Variants in ITGBL1 observed in about 807,000 individuals in gnomAD.
ITGBL1 encodes the protein integrin beta-like protein 1.
A neutral mutation model predicts 68.5 loss-of-function variants in ITGBL1; 51 were observed. That is an observed-to-expected ratio of 0.74 (90% CI 0.59 to 0.94). The LOEUF (loss-of-function observed/expected upper bound fraction) is 0.94, where lower values mean the gene tolerates loss of function less well. Ranked by LOEUF, ITGBL1 falls within the 40% of genes least tolerant of loss-of-function variation. The pLI, the probability that ITGBL1 is intolerant of heterozygous loss-of-function variation, is 0.00. For synonymous variants in ITGBL1, 209 were observed against 227.3 expected, an observed-to-expected ratio of 0.92 and a Z score of 0.72; for missense variants, 649 against 647.4, an observed-to-expected ratio of 1.00 and a Z score of -0.03.
intron 2 of ITGBL1, among the ~76,000 whole-genome samples, chr13:101,561,612 C>G (rs1316881176): frequency 6.6e-6 from 1 of 152,054 alleles, no homozygotes; most frequent in African/African-American, 2.4e-5. Flanking sequence ...GAAAAAGAAA[C>G]ATATGCAGAG....
At chr13:101,511,574 C>T (rs941251476) in intron 2 of ITGBL1, among the ~76,000 whole-genome samples, 9 of 151,976 alleles carry the variant, frequency 5.9e-5, no homozygotes, top group African/African-American at 2.2e-4. Context: ...TCAGGTAAGC[C>T]CTTTAAAGGA....
intron 7 of ITGBL1, among the ~76,000 whole-genome samples, chr13:101,605,987 T>C (rs1214517220): frequency 1.4e-5 from 2 of 147,082 alleles, no homozygotes; most frequent in Admixed American, 6.9e-5. Flanking sequence ...TATGTGTATA[T>C]ATATGTGTAT....
At chr13:101,629,062 T>G (rs2031890386) in intron 7 of ITGBL1, among the ~76,000 whole-genome samples, 1 of 152,126 alleles carries the variant, frequency 6.6e-6, no homozygotes, top group Non-Finnish European at 1.5e-5. Context: ...CATATGACCT[T>G]TTTGTTTTGT....
In ITGBL1 at chr13:101,468,337, T is replaced by C. The variant is rs138499874; in HGVS notation, c.316+14237T>C. 2.7e-3 allele frequency among the ~76,000 whole-genome samples: 404 copies of C among 152,314 alleles called. 2 individuals are homozygous for C. The highest frequency in any genetic ancestry group is 9.0e-3 in the African/African-American group (374 of 41,584). The stretch of plus-strand genomic sequence containing the variant: ...GGATAATTTTAAGCCTTGAAATTAA[T>C]GCTACATTAGAAATACAAATGAGTA... On this transcript the variant is annotated intron_variant, in intron 2 of 10. Transcript: ENST00000376180.
chr13:101,704,510 GAATA>G lies in ITGBL1; in HGVS notation c.1133-2241_1133-2238del, dbSNP rs1162885615. Among the ~76,000 whole-genome samples the G allele has an allele frequency of 5.0e-4, 56 of 111,948 alleles. 1 individual carries two copies. The highest frequency in any genetic ancestry group is 4.8e-3 in the Admixed American group (53 of 11,094). 73.4% of individuals were successfully genotyped at this position (111,948 alleles called of 152,430 possible). The stretch of plus-strand genomic sequence containing the variant: ...AAAAAAAAAAAAAAAAAAAGTAGAA[GAATA>G]AATAGAGACAAAGGAGGAGTGTTGA... On this transcript the variant is annotated intron_variant, in intron 8 of 10. Transcript: ENST00000376180.
intron 7 of ITGBL1, among the ~76,000 whole-genome samples, chr13:101,641,335 A>T (rs1014222882): frequency 2.0e-5 from 3 of 152,106 alleles, no homozygotes; most frequent in African/African-American, 7.2e-5. Context: ...TGAAGAAATA[A>T]ACATATATTT....
intron 3 of ITGBL1, 53 bp from the exon 4 acceptor site, chr13:101,575,371 A>T: frequency 1.3e-6 from 2 of 1,529,692 alleles, no homozygotes; most frequent in Non-Finnish European, 1.8e-6. Flanking sequence ...AAATTCATTA[A>T]TTATAATTTT....
chr13:101,713,595 AG>A (rs376830351), intron 9 of ITGBL1: 1 of 152,136 alleles, frequency 6.6e-6, no homozygotes, highest in South Asian at 2.1e-4. Flanking sequence ...TTTCCATGTA[AG>A]GGTTTTTAGT....
At chr13:101,458,551 A>C (rs1445301583) in intron 2 of ITGBL1, among the ~76,000 whole-genome samples, 3 of 152,192 alleles carry the variant, frequency 2.0e-5, no homozygotes, top group African/African-American at 7.2e-5. Context: ...GCTCTGATTT[A>C]TGGAAAGAAA....
At chr13:101,540,641 G>C (rs1030891401) in intron 2 of ITGBL1, among the ~76,000 whole-genome samples, 3 of 152,118 alleles carry the variant, frequency 2.0e-5, no homozygotes, top group African/African-American at 7.2e-5. Context: ...AAATTACTTT[G>C]GGCAGTATGG....
At chr13:101,501,575 T>A (rs567049065) in intron 2 of ITGBL1, among the ~76,000 whole-genome samples, 2 of 152,210 alleles carry the variant, frequency 1.3e-5, no homozygotes, top group South Asian at 4.1e-4. Flanking sequence ...GAAAAATGAC[T>A]CTTAGATATT....
At chr13:101,575,323 G>T (rs1301462437) in intron 3 of ITGBL1, 101 bp from the exon 4 acceptor site, 14 of 1,105,256 alleles carry the variant, frequency 1.3e-5, no homozygotes, top group South Asian at 1.5e-5. Flanking sequence ...ATATTAAATT[G>T]ATTTGGATTA....
intron 2 of ITGBL1, among the ~76,000 whole-genome samples, chr13:101,519,767 G>A (rs2049255236): frequency 1.3e-5 from 2 of 152,046 alleles, no homozygotes; most frequent in South Asian, 4.1e-4. Flanking sequence ...AAAGCATCAA[G>A]TAGACTTCCT....
chr13:101,630,752 G>A (rs1289646209), intron 7 of ITGBL1, among the ~76,000 whole-genome samples: 1 of 152,024 alleles, frequency 6.6e-6, no homozygotes, highest in Non-Finnish European at 1.5e-5. Context: ...GTTTTCAATG[G>A]CAAATTTAAT....
chr13:101,594,529 T>G (rs2050710774), intron 6 of ITGBL1, among the ~76,000 whole-genome samples: 1 of 151,868 alleles, frequency 6.6e-6, no homozygotes, highest in Admixed American at 6.6e-5. Flanking sequence ...TAGCAATGAT[T>G]TTTTTTTGGA....
intron 8 of ITGBL1, among the ~76,000 whole-genome samples, chr13:101,700,747 T>C (rs548383252): frequency 6.9e-4 from 105 of 152,356 alleles, no homozygotes; most frequent in South Asian, 2.3e-3. Flanking sequence ...TTTTACTGCC[T>C]GTAACATGCC....
chr13:101,565,949 A>T (rs2139246999), intron 2 of ITGBL1, among the ~76,000 whole-genome samples: 1 of 152,146 alleles, frequency 6.6e-6, no homozygotes, highest in Non-Finnish European at 1.5e-5. Flanking sequence ...ATTTTTAACC[A>T]TCTCACCTTT....
chr13:101,609,047 A>G (rs2031005675), intron 7 of ITGBL1, among the ~76,000 whole-genome samples: 1 of 152,052 alleles, frequency 6.6e-6, no homozygotes. Flanking sequence ...CTTTGAACTG[A>G]CAATGCCCAC....
Position 101,714,566 on chromosome 13 carries a change from T to G in ITGBL1, c.1393+15T>G, listed in dbSNP as rs769319779. ...CATTTGTACAGGTGCAGTATTAACC[T>G]TTTCTAATTGCTCTATGCCACAGTT... On this transcript the variant is annotated intron_variant, in intron 10 of 10. Transcript: ENST00000376180. 1.4e-6 allele frequency: 2 copies of G among 1,416,778 alleles called. No individual in the cohort carries two copies. Among genetic ancestry groups the G allele is most frequent in the Non-Finnish European group, 2.0e-6 (2 of 1,000,802 alleles). The allele number at this position is 1,416,778 out of a possible 1,614,324, so 87.8% of individuals were successfully genotyped here.
Sources: allele counts gnomAD v4.1 joint callset (sites outside exome capture counted in the v4.1 genomes callset), GRCh38; gene constraint gnomAD v4.1.1; transcripts MANE v1.5; gene names NCBI Gene and HGNC (gene_info 2026-07-23, HGNC 2026-07-21).